The following PSIP1 variants were observed in gnomAD, a reference collection of about 807,000 sequenced individuals.
PSIP1 encodes the protein PC4 and SFRS1-interacting protein.
In PSIP1, 19 loss-of-function variants were observed where a neutral mutation model predicts 74.7. The ratio of observed to expected loss-of-function variants is 0.25; its 90% CI spans 0.18 to 0.37. PSIP1 has a LOEUF of 0.37. PSIP1 is among the 10% of genes least tolerant of loss of function. PSIP1 has a pLI of 1.00. For synonymous variants in PSIP1, 222 were observed against 195.3 expected, an observed-to-expected ratio of 1.14 and a Z score of -1.14; for missense variants, 601 against 614.3, an observed-to-expected ratio of 0.98 and a Z score of 0.23.
chr9:15,491,563 TAC>T (rs1421546423), intron 3 of PSIP1, among the ~76,000 whole-genome samples: 4 of 152,056 alleles, frequency 2.6e-5, no homozygotes, highest in Non-Finnish European at 4.4e-5. Flanking sequence ...TGTACATATA[TAC>T]ACAGATAGTT....
chr9:15,492,882 G>C (rs1479106473), intron 3 of PSIP1, among the ~76,000 whole-genome samples: 1 of 152,198 alleles, frequency 6.6e-6, no homozygotes, highest in African/African-American at 2.4e-5. Context: ...TTTTAGCCAA[G>C]ACTGGAGCAG....
chr9:15,505,947 T>C (rs1178991905), intron 3 of PSIP1: 1 of 152,234 alleles, frequency 6.6e-6, no homozygotes, highest in Non-Finnish European at 1.5e-5. Flanking sequence ...ATAGTATTTC[T>C]AAGGCCATTA....
intron 6 of PSIP1, among the ~76,000 whole-genome samples, chr9:15,484,132 CAA>C (rs533395028): frequency 1.7e-4 from 9 of 52,494 alleles, no homozygotes; most frequent in Admixed American, 6.6e-4. Flanking sequence ...ACTCTGTATC[CAA>C]AAAAAAAAAA....
chr9:15,497,670 G>A (rs2037147347), intron 3 of PSIP1, among the ~76,000 whole-genome samples: 2 of 152,068 alleles, frequency 1.3e-5, no homozygotes, highest in African/African-American at 4.8e-5. Context: ...AAGTAGGTTA[G>A]CTACCACCTA....
At chr9:15,478,409 G>T in intron 8 of PSIP1, 68 bp downstream of exon 8, 1 of 1,113,116 alleles carries the variant, frequency 9.0e-7, no homozygotes, top group Non-Finnish European at 1.3e-6. Flanking sequence ...TAAAATCGCA[G>T]AGATATGTGC....
intron 3 of PSIP1, among the ~76,000 whole-genome samples, chr9:15,501,790 C>T (rs2037355130): frequency 6.7e-6 from 1 of 148,352 alleles, no homozygotes; most frequent in African/African-American, 2.6e-5. Context: ...CTTCCTCGAC[C>T]CCTGCAGATA....
At chr9:15,510,716 CG>C (rs2037830426) in intron 1 of PSIP1, 100 bp downstream of exon 1, 1 of 152,310 alleles carries the variant, frequency 6.6e-6, no homozygotes, top group Admixed American at 6.5e-5. Flanking sequence ...GCTGCAGCCT[CG>C]GCCCCCTCGG....
chr9:15,472,055 AAAG>A, intron 10 of PSIP1: 1 of 975,432 alleles, frequency 1.0e-6, no homozygotes, highest in Non-Finnish European at 1.2e-6. Context: ...TAGTAAGGGG[AAAG>A]AAATTCCCCA....
intron 4 of PSIP1, among the ~76,000 whole-genome samples, chr9:15,488,609 T>C (rs2036662542): frequency 6.6e-6 from 1 of 152,034 alleles, no homozygotes; most frequent in Non-Finnish European, 1.5e-5. Context: ...ATCGACAATA[T>C]AAAAAATTTT....
chr9:15,486,390 C>T (rs2036557223), intron 5 of PSIP1, among the ~76,000 whole-genome samples: 1 of 152,094 alleles, frequency 6.6e-6, no homozygotes, highest in South Asian at 2.1e-4. Context: ...TAAAGGGTGG[C>T]TGGGACATTG....
At chr9:15,507,955 G>C (rs140784422) in intron 2 of PSIP1, among the ~76,000 whole-genome samples, 1 of 152,148 alleles carries the variant, frequency 6.6e-6, no homozygotes, top group African/African-American at 2.4e-5. Context: ...GGAATGTCCC[G>C]ATAATTGCAA....
intron 3 of PSIP1, 74 bp from the exon 4 acceptor site, chr9:15,490,198 T>G (rs568613618): frequency 6.4e-5 from 84 of 1,311,366 alleles, no homozygotes; most frequent in Non-Finnish European, 7.9e-5. Context: ...GACACCCTAT[T>G]ACACAATTAT....
chr9:15,477,511 A>C (rs1036653565), intron 8 of PSIP1, among the ~76,000 whole-genome samples: 1 of 152,196 alleles, frequency 6.6e-6, no homozygotes, highest in Non-Finnish European at 1.5e-5. Context: ...AATTTTCTAT[A>C]ATCAGTTCAT....
chr9:15,471,838 T>C (rs138588364), intron 10 of PSIP1: 6 of 963,726 alleles, frequency 6.2e-6, no homozygotes, highest in South Asian at 4.8e-5. Flanking sequence ...ACCTAGAGCA[T>C]GTTTTAAAAA....
chr9:15,501,112 GA>G (rs1401192477), intron 3 of PSIP1, among the ~76,000 whole-genome samples: 2 of 151,170 alleles, frequency 1.3e-5, no homozygotes, highest in Non-Finnish European at 3.0e-5. Flanking sequence ...AAATGACAAA[GA>G]AAAAAAACAC....
chr9:15,496,060 A>G (rs2037058585), intron 3 of PSIP1, among the ~76,000 whole-genome samples: 2 of 152,206 alleles, frequency 1.3e-5, no homozygotes, highest in South Asian at 2.1e-4. Context: ...CCGACTGTGC[A>G]TGATTTTGAG....
chr9:15,475,575 C>T (rs1587471382), intron 8 of PSIP1, among the ~76,000 whole-genome samples: 1 of 152,158 alleles, frequency 6.6e-6, no homozygotes, highest in East Asian at 1.9e-4. Context: ...TTTTTAAAAT[C>T]GTCTATCCAT....
In PSIP1 at chr9:15,464,115, G is replaced by A. The variant is rs1233679363; in HGVS notation, c.*1405C>T. The A allele has an allele frequency of 5.5e-6, 1 of 180,982 alleles. No individual in the cohort carries two copies. Among genetic ancestry groups the A allele is most frequent in the African/African-American group, 2.4e-5 (1 of 42,348 alleles). The allele number at this position is 180,982 out of a possible 1,614,324, so 11.2% of individuals were successfully genotyped here. On this transcript the variant is annotated 3_prime_UTR_variant, in exon 16 of 16. Coordinates refer to ENST00000380733, the MANE Select transcript of PSIP1 (RefSeq NM_033222.5). ...AAACAAGTTTACACGTTGAACTTAT[G>A]GCTTAACTAGAATAAATCTAAGTAA...
intron 8 of PSIP1, among the ~76,000 whole-genome samples, chr9:15,477,275 G>T (rs936093467): frequency 6.6e-6 from 1 of 152,110 alleles, no homozygotes; most frequent in Non-Finnish European, 1.5e-5. Flanking sequence ...TTTGATGTAC[G>T]TATACACTGT....
Sources: gnomAD v4.1 joint callset for allele counts (sites outside exome capture counted in the v4.1 genomes callset) on GRCh38, gnomAD v4.1.1 for gene constraint, MANE v1.5 for transcripts, NCBI Gene and HGNC (gene_info 2026-07-23, HGNC 2026-07-21) for gene names.